Variants in WDPCP observed in about 807,000 individuals in gnomAD.
WDPCP encodes the protein WD repeat containing planar cell polarity effector.
In WDPCP, 71 loss-of-function variants were observed where a neutral mutation model predicts 93.1. That is an observed-to-expected ratio of 0.76 (90% CI 0.63 to 0.93). The LOEUF (loss-of-function observed/expected upper bound fraction) is 0.93. Among genes scored for constraint, WDPCP ranks in the 40% least tolerant of loss-of-function variants. The pLI is 0.00. For synonymous variants in WDPCP, 315 were observed against 315.0 expected (o/e 1.00, Z 0.00); for missense variants, 844 against 887.4 (o/e 0.95, Z 0.62).
intron 1 of WDPCP, among the ~76,000 whole-genome samples, chr2:63,494,825 C>T (rs1026419967): frequency 1.1e-4 from 16 of 148,918 alleles, no homozygotes; most frequent in Non-Finnish European, 1.9e-4. Context: ...GAGGCTGAGG[C>T]AGGAGAATGG....
At chr2:63,715,606 A>T (rs1316793654) in intron 2 of WDPCP, among the ~76,000 whole-genome samples, 5 of 152,200 alleles carry the variant, frequency 3.3e-5, no homozygotes, top group African/African-American at 1.2e-4. Context: ...TTGAGATTAA[A>T]TTTTTTCATG....
intron 12 of WDPCP, among the ~76,000 whole-genome samples, chr2:63,375,864 T>C (rs757604419): frequency 1.4e-4 from 22 of 151,936 alleles, no homozygotes; most frequent in Non-Finnish European, 2.2e-4. Context: ...GAGTTCCATG[T>C]GAGTAATTTT....
chr2:63,214,048 G>A (rs1456181526), intron 14 of WDPCP, among the ~76,000 whole-genome samples: 1 of 152,184 alleles, frequency 6.6e-6, no homozygotes. Context: ...GAGGTACAAA[G>A]AGGAGCTGGT....
intron 2 of WDPCP, among the ~76,000 whole-genome samples, chr2:63,721,819 C>G (rs1375947290): frequency 6.6e-6 from 1 of 151,778 alleles, no homozygotes; most frequent in African/African-American, 2.4e-5. Flanking sequence ...GCTGCCATCT[C>G]GGCTCACTGC....
chr2:63,170,415 G>A (rs1012765674), intron 15 of WDPCP, among the ~76,000 whole-genome samples: 1 of 151,878 alleles, frequency 6.6e-6, no homozygotes, highest in African/African-American at 2.4e-5. Context: ...TGGGATTACA[G>A]ACATGTGCCA....
chr2:63,727,641 A>T (rs1669510083), intron 2 of WDPCP, among the ~76,000 whole-genome samples: 1 of 152,108 alleles, frequency 6.6e-6, no homozygotes, highest in Admixed American at 6.5e-5. Flanking sequence ...ACTCTTATTT[A>T]TATGTCTGGT....
intron 3 of WDPCP, chr2:63,643,529 AT>A: frequency 2.4e-6 from 1 of 416,938 alleles, no homozygotes; most frequent in South Asian, 2.0e-5. Context: ...GTTGAACTTG[AT>A]AAAATCAGTA....
intron 12 of WDPCP, among the ~76,000 whole-genome samples, chr2:63,362,165 T>A (rs1690513562): frequency 6.6e-6 from 1 of 152,106 alleles, no homozygotes; most frequent in Non-Finnish European, 1.5e-5. Context: ...TAACAGAACT[T>A]ATTTTTTCCA....
intron 6 of WDPCP, among the ~76,000 whole-genome samples, chr2:63,448,357 G>A (rs1698000312): frequency 1.3e-5 from 2 of 152,012 alleles, no homozygotes; most frequent in African/African-American, 4.8e-5. Flanking sequence ...TTTCAAGAAA[G>A]TAAGCTTGGC....
chr2:63,798,759 C>T (rs1670649111), intron 2 of WDPCP, among the ~76,000 whole-genome samples: 1 of 152,026 alleles, frequency 6.6e-6, no homozygotes, highest in South Asian at 2.1e-4. Context: ...AGACTAAACT[C>T]TCCAATCAAA....
At chr2:63,299,602 T>G (rs1203804683) in intron 13 of WDPCP, among the ~76,000 whole-genome samples, 1 of 152,198 alleles carries the variant, frequency 6.6e-6, no homozygotes, top group African/African-American at 2.4e-5. Flanking sequence ...GACTTTGGTT[T>G]CTGGAAGGTA....
At chr2:63,323,455 A>G (rs1274812195) in intron 12 of WDPCP, among the ~76,000 whole-genome samples, 2 of 152,180 alleles carry the variant, frequency 1.3e-5, no homozygotes, top group African/African-American at 2.4e-5. Flanking sequence ...TCCTCAGACT[A>G]GCAGGCCTAA....
At chr2:63,252,564 A>G (rs1680820884) in intron 14 of WDPCP, among the ~76,000 whole-genome samples, 1 of 152,172 alleles carries the variant, frequency 6.6e-6, no homozygotes, top group Non-Finnish European at 1.5e-5. Flanking sequence ...CTGAAAAATG[A>G]CTTCTGTAAA....
intron 3 of WDPCP, among the ~76,000 whole-genome samples, chr2:63,644,827 C>G (rs28807977): frequency 6.6e-6 from 1 of 152,010 alleles, no homozygotes; most frequent in South Asian, 2.1e-4. Context: ...AATGATTTTT[C>G]GAGTTTCTGC....
chr2:63,150,122 G>C (rs1313457173), intron 17 of WDPCP, among the ~76,000 whole-genome samples: 1 of 152,180 alleles, frequency 6.6e-6, no homozygotes, highest in Non-Finnish European at 1.5e-5. Context: ...ATGTAATTGA[G>C]GAGGGACACC....
chr2:63,505,436 T>C (rs1381035316), intron 1 of WDPCP, among the ~76,000 whole-genome samples: 1 of 152,038 alleles, frequency 6.6e-6, no homozygotes, highest in East Asian at 1.9e-4. Flanking sequence ...AAAATGTTAA[T>C]TCCCTAATAT....
At chr2:63,791,857 G>T (rs1333666564) in intron 2 of WDPCP, among the ~76,000 whole-genome samples, 1 of 152,134 alleles carries the variant, frequency 6.6e-6, no homozygotes, top group Non-Finnish European at 1.5e-5. Context: ...TGAGGATAAT[G>T]ATTCCTATTC....
chr2:63,708,424 G>T (rs2103740629), intron 2 of WDPCP, among the ~76,000 whole-genome samples: 1 of 152,364 alleles, frequency 6.6e-6, no homozygotes, highest in South Asian at 2.1e-4. Context: ...GACCTTCCGA[G>T]CCAGGTGTGG....
intron 14 of WDPCP, among the ~76,000 whole-genome samples, chr2:63,217,508 A>G (rs1677454845): frequency 6.6e-6 from 1 of 152,244 alleles, no homozygotes; most frequent in South Asian, 2.1e-4. Context: ...GAGTGATCAA[A>G]GAAATAATTG....
Sources: gnomAD v4.1 joint callset for allele counts (sites outside exome capture counted in the v4.1 genomes callset) on GRCh38, gnomAD v4.1.1 for gene constraint, MANE v1.5 for transcripts, NCBI Gene and HGNC (gene_info 2026-07-23, HGNC 2026-07-21) for gene names.